Variants in IL5RA observed in about 807,000 individuals in gnomAD.
IL5RA encodes interleukin-5 receptor subunit alpha.
Under a neutral mutation model 50.0 loss-of-function variants are expected in IL5RA, and 49 were observed. The ratio of observed to expected loss-of-function variants is 0.98; its 90% CI spans 0.78 to 1.24. IL5RA has a LOEUF of 1.24. Ranked by LOEUF, IL5RA falls within the 50% of genes most tolerant of loss-of-function variation. The pLI, the probability that IL5RA is intolerant of heterozygous loss-of-function variation, is 0.00. For synonymous variants in IL5RA, 202 were observed against 174.0 expected, an observed-to-expected ratio of 1.16 and a Z score of -1.26; for missense variants, 600 against 500.4, an observed-to-expected ratio of 1.20 and a Z score of -1.90.
rs1215357659 is a variant in IL5RA, at chr3:3,068,970, A to G, written c.*1255T>C. On this transcript the variant is annotated 3_prime_UTR_variant, in exon 12 of 12. Coordinates refer to ENST00000446632, the MANE Select transcript of IL5RA (RefSeq NM_175726.4). The stretch of plus-strand genomic sequence containing the variant: ...AGTGGATAATTACAGGTTAGTTAAG[A>G]AAACAAACAAACCTGGAAATATATG... 3 of 152,232 alleles carry G rather than the reference A, an allele frequency of 2.0e-5. No homozygotes were observed. The highest frequency in any genetic ancestry group is 4.4e-5 in the Non-Finnish European group (3 of 68,050). The allele number at this position is 152,232 out of a possible 1,614,324, so 9.4% of individuals were successfully genotyped here. A position where few individuals can be genotyped will look rare whatever the true frequency, so the allele number is the denominator to read the frequency against.
intron 3 of IL5RA, among the ~76,000 whole-genome samples, chr3:3,104,420 C>T (rs985244870): frequency 2.0e-5 from 3 of 152,208 alleles, no homozygotes; most frequent in African/African-American, 7.2e-5. Context: ...GTGGCTACTG[C>T]ATTGGACATT....
chr3:3,070,175 C>T lies in IL5RA; in HGVS notation c.*50G>A, dbSNP rs113153532. ...AGAGCCAGCATCCCTGTTCTTTTCA[C>T]TGAGGCACTGAGGCATGTGTGAGTT... On this transcript the variant is annotated 3_prime_UTR_variant, in exon 12 of 12. Transcript: ENST00000446632. The T allele has an allele frequency of 3.0e-4, 352 of 1,185,810 alleles. 4 individuals carry two copies. In the African/African-American group the frequency reaches 4.3e-3, roughly 15 times the overall value. 73.5% of individuals were successfully genotyped at this position (1,185,810 alleles called of 1,614,324 possible). A position where few individuals can be genotyped will look rare whatever the true frequency, so the allele number is the denominator to read the frequency against.
chr3:3,066,844 T>A lies in IL5RA; in HGVS notation c.*3381A>T, dbSNP rs1300667973. On this transcript the variant is annotated 3_prime_UTR_variant, in exon 12 of 12. Transcript: ENST00000446632. ...CTTCACCCTCCAGTCTCCCCAGCACTCCCCCATGCTGCACGCAGTGAATTC... is the reference window on the plus strand; with the variant it reads ...CTTCACCCTCCAGTCTCCCCAGCACACCCCCATGCTGCACGCAGTGAATTC... The A allele has an allele frequency of 2.0e-5, 3 of 152,184 alleles. No homozygotes were observed. The highest frequency in any genetic ancestry group is 4.4e-5 in the Non-Finnish European group (3 of 68,100). 9.4% of individuals were successfully genotyped at this position (152,184 alleles called of 1,614,324 possible).
At chr3:3,078,031 ATGGG>A (rs1702545027) in intron 9 of IL5RA, among the ~76,000 whole-genome samples, 2 of 152,274 alleles carry the variant, frequency 1.3e-5, no homozygotes, top group African/African-American at 4.8e-5. Flanking sequence ...AAGATCACAT[ATGGG>A]TGCTCCTGTC....
intron 7 of IL5RA, among the ~76,000 whole-genome samples, chr3:3,097,015 G>A (rs1703397185): frequency 6.6e-6 from 1 of 152,196 alleles, no homozygotes; most frequent in Non-Finnish European, 1.5e-5. Context: ...TCAGCCAGTG[G>A]TGGAGCCAGG....
At chr3:3,090,174 A>G (rs1224204283) in intron 9 of IL5RA, 2 of 1,599,870 alleles carry the variant, frequency 1.3e-6, no homozygotes, top group Non-Finnish European at 8.6e-7. Flanking sequence ...AACACATGTA[A>G]TCTGCTATCC....
At position 3,067,374 on chromosome 3, in the gene IL5RA, C is replaced by T. The variant is rs536463398; in HGVS notation, c.*2851G>A. ...CTAACCTATATACAAGGTGCCGTAT[C>T]AGGGCTGACAGAGGGTTTAAGAAAC... On this transcript the variant is annotated 3_prime_UTR_variant, in exon 12 of 12. Transcript: ENST00000446632. The T allele has an allele frequency of 1.3e-5, 2 of 152,324 alleles. No homozygotes were observed. The highest frequency in any genetic ancestry group is 4.1e-4 in the South Asian group (2 of 4,830). 9.4% of individuals were successfully genotyped at this position (152,324 alleles called of 1,614,324 possible). A position where few individuals can be genotyped will look rare whatever the true frequency, so the allele number is the denominator to read the frequency against.
intron 4 of IL5RA, 62 bp from the exon 5 acceptor site, chr3:3,101,892 T>A: frequency 1.4e-6 from 2 of 1,399,766 alleles, no homozygotes; most frequent in Non-Finnish European, 2.0e-6. Flanking sequence ...AGAGCTATTT[T>A]AATCAAATAT....
At chr3:3,093,568 C>T (rs1703228844) in intron 8 of IL5RA, among the ~76,000 whole-genome samples, 1 of 152,240 alleles carries the variant, frequency 6.6e-6, no homozygotes, top group Non-Finnish European at 1.5e-5. Flanking sequence ...CGTGCACACA[C>T]AGTCCTTCAG....
In IL5RA at chr3:3,092,439, C is replaced by T; in HGVS notation, c.856-77G>A. 7.5e-7 allele frequency: 1 copy of T among 1,330,838 alleles called. No homozygotes were observed. Among genetic ancestry groups the T allele is most frequent in the Non-Finnish European group, 1.1e-6 (1 of 950,076 alleles). 82.4% of individuals were successfully genotyped at this position (1,330,838 alleles called of 1,614,324 possible). On this transcript the variant is annotated intron_variant, in intron 8 of 11. Coordinates refer to ENST00000446632, the MANE Select transcript of IL5RA (RefSeq NM_175726.4). This position sits in a 1 kb window ranked among gnomAD's most constrained non-coding sequence, Gnocchi z 4.2. ...CTGCCGATTATCAGAATGGGAGGTC[C>T]TATATAGGTCATGTGACTCACTGTT...
In IL5RA at chr3:3,092,335, T is replaced by C. The variant is rs949712430; in HGVS notation, c.883A>G (p.Ile295Val). 11 of 1,613,652 alleles carry C rather than the reference T, an allele frequency of 6.8e-6. No homozygotes were observed. In the African/African-American group the frequency reaches 1.3e-4, roughly 20 times the overall value. The change falls in exon 9 of 12, where the codon ATC becomes GTC. Residue 295 changes from isoleucine (I) to valine (V), a missense_variant. By Grantham distance (29) the Ile-to-Val change is conservative (BLOSUM62 3). Coordinates refer to ENST00000446632, the MANE Select transcript of IL5RA (RefSeq NM_175726.4). This position sits in a 1 kb window ranked among gnomAD's most constrained non-coding sequence, Gnocchi z 4.2. ...TTAGAAAGATCATCAATTATTGAGA[T>C]GAATGCATTGGTCATCAATTTTTCT... ...QIEKLMTNAF[I>V]SIIDDLSKYD...
chr3:3,105,306 A>T (rs17882152), intron 2 of IL5RA, among the ~76,000 whole-genome samples: 4,454 of 152,272 alleles, frequency 0.029, 108 homozygotes, highest in African/African-American at 0.068. Flanking sequence ...AGAGTCCTTG[A>T]CGCACACAAC....
intron 11 of IL5RA, among the ~76,000 whole-genome samples, chr3:3,072,836 C>G (rs562779273): frequency 1.4e-4 from 22 of 152,250 alleles, no homozygotes; most frequent in African/African-American, 5.1e-4. Flanking sequence ...CACTTAAACC[C>G]GGGAGGTGGA....
chr3:3,110,215 C>G lies in IL5RA; in HGVS notation c.-416G>C, dbSNP rs1278936350. On this transcript the variant is annotated 5_prime_UTR_variant, in exon 1 of 12. Transcript: ENST00000446632. ...ACTGCTGTCAAACGAAAGAATCTCT[C>G]GTCCAGATAGCCATTATCTGATAAC... 6.6e-6 allele frequency: 1 copy of G among 152,248 alleles called. No homozygotes were observed. Among genetic ancestry groups the G allele is most frequent in the African/African-American group, 2.4e-5 (1 of 41,456 alleles). The allele number at this position is 152,248 out of a possible 1,614,324, so 9.4% of individuals were successfully genotyped here.
At chr3:3,072,534 A>G (rs1233792524) in intron 11 of IL5RA, among the ~76,000 whole-genome samples, 1 of 152,254 alleles carries the variant, frequency 6.6e-6, no homozygotes, top group African/African-American at 2.4e-5. Flanking sequence ...GGAATATTAA[A>G]GGAAATCTTT....
At position 3,110,354 on chromosome 3, in the gene IL5RA, C is replaced by T. The variant is rs1704123520; in HGVS notation, c.-555G>A. 1.3e-5 allele frequency: 2 copies of T among 152,142 alleles called. No homozygotes were observed. Among genetic ancestry groups the T allele is most frequent in the Non-Finnish European group, 2.9e-5 (2 of 68,034 alleles). The allele number at this position is 152,142 out of a possible 1,614,324, so 9.4% of individuals were successfully genotyped here. A position where few individuals can be genotyped will look rare whatever the true frequency, so the allele number is the denominator to read the frequency against. ...CAAGTTTTCCGTGGGTACTCTAAAG[C>T]GTTGCATTTCTGTTTTGTTTATGTG... On this transcript the variant is annotated 5_prime_UTR_variant, in exon 1 of 12. Coordinates refer to ENST00000446632, the MANE Select transcript of IL5RA (RefSeq NM_175726.4).
chr3:3,096,290 AAGAAG>A (rs1703365793), intron 7 of IL5RA, among the ~76,000 whole-genome samples: 1 of 1,620 alleles, frequency 6.2e-4, no homozygotes, highest in African/African-American at 1.0e-3. Flanking sequence ...AAAAAAAAAA[AAGAAG>A]AAGAAGAAGA....
intron 10 of IL5RA, 146 bp downstream of exon 10, chr3:3,076,384 AC>A (rs1702483779): frequency 1.6e-6 from 1 of 611,818 alleles, no homozygotes; most frequent in Admixed American, 3.1e-5. Flanking sequence ...TTTGGCCTAC[AC>A]TCATCTTGGA....
chr3:3,106,779 T>C (rs3856849), intron 2 of IL5RA, among the ~76,000 whole-genome samples: 2,270 of 152,280 alleles, frequency 0.015, 73 homozygotes, highest in African/African-American at 0.052. Context: ...TGAAATAATA[T>C]TAAATATGCT....
Sources: gnomAD v4.1 joint callset for allele counts (sites outside exome capture counted in the v4.1 genomes callset) on GRCh38, gnomAD v4.1.1 for gene constraint, Gnocchi (gnomAD v3.1) non-coding constraint, MANE v1.5 for transcripts, NCBI Gene and HGNC (gene_info 2026-07-23, HGNC 2026-07-21) for gene names.